CCDC137: variants seen among roughly 807,000 people sequenced by gnomAD.
CCDC137 encodes the protein coiled-coil domain-containing protein 137.
Under a neutral mutation model 30.4 loss-of-function variants are expected in CCDC137, and 24 were observed. The ratio of observed to expected loss-of-function variants is 0.79; its 90% CI spans 0.57 to 1.11. The LOEUF (loss-of-function observed/expected upper bound fraction) is 1.11. CCDC137 is among the 50% of genes least tolerant of loss of function. The probability of loss-of-function intolerance (pLI) is 0.00; values close to 1 mark genes in which losing one functional copy is unlikely to be tolerated. For missense variants in CCDC137, 417 were observed against 380.4 expected, an observed-to-expected ratio of 1.10 and a Z score of -0.80; for synonymous variants, 182 against 155.7, an observed-to-expected ratio of 1.17 and a Z score of -1.26.
At chr17:81,667,256 T>C (rs995040626) in intron 1 of CCDC137, among the ~76,000 whole-genome samples, 1 of 151,218 alleles carries the variant, frequency 6.6e-6, no homozygotes, top group African/African-American at 2.4e-5. Context: ...AGATCCCTGC[T>C]CCCTGGACTG....
chr17:81,667,858 A>G lies in CCDC137; in HGVS notation c.264A>G (p.Lys88=), dbSNP rs2036662371. 6.2e-7 allele frequency: 1 copy of G among 1,611,372 alleles called. No homozygotes were observed. The highest frequency in any genetic ancestry group is 1.3e-5 in the African/African-American group (1 of 74,860). The part of the protein sequence containing the change: ...KNPISNKKRK[K]AAQVTFRKTL... ...CGATCAGTAACAAGAAGAGGAAGAA[A>G]GCAGGTGTGTGCAGGCCCATACTGG... The change falls in exon 2 of 6, where the codon AAA becomes AAG. Residue 88 remains lysine (K), a synonymous_variant. Transcript: ENST00000329214.
chr17:81,672,623 A>T lies in CCDC137; in HGVS notation c.789A>T (p.Arg263Ser), dbSNP rs777883914. ...EERERAVQAY[R>S]ALKQRQQQLH... ...GAGAGCGGGCCGTGCAGGCCTACAG[A>T]GCGTTGAAGCAGCGGCAGCAGCAGC... Residue 263 changes from arginine (R) to serine (S), a missense_variant, in exon 6 of 6, where the codon AGA becomes AGT. Transcript: ENST00000329214. 1.3e-6 allele frequency: 2 copies of T among 1,599,000 alleles called. No homozygotes were observed.
Position 81,672,557 on chromosome 17 carries a change from G to C in CCDC137, c.723G>C (p.Leu241=), listed in dbSNP as rs779028277. The C allele has an allele frequency of 1.3e-6, 2 of 1,572,764 alleles. No homozygotes were observed. The highest frequency in any genetic ancestry group is 1.9e-5 in the Admixed American group (1 of 53,590). ...LLSPGGVSQP[L]TASLARQRIV... is the part of the protein sequence containing the mutation. ...GCCCCGGTGGTGTGTCCCAGCCTCT[G>C]ACCGCCTCCCTGGCCCGCCAGCGGA... is the stretch of plus-strand genomic sequence containing the variant. Residue 241 remains leucine, a synonymous_variant, in exon 6 of 6, where the codon CTG becomes CTC. Transcript: ENST00000329214.
rs2036677537 is a variant in CCDC137 at position 81,668,449 on chromosome 17, T to G, written c.268+587T>G. On this transcript the variant is annotated intron_variant, in intron 2 of 5. Transcript: ENST00000329214. ...CCCAGAGGTAACACTCTGGGCATGT[T>G]GGGAAACGGAGTCCACTGTGTGTAT... is the stretch of plus-strand genomic sequence containing the variant. Among the ~76,000 whole-genome samples, 4 of 152,290 alleles carry G rather than the reference T, an allele frequency of 2.6e-5. No homozygotes were observed. The South Asian group carries it at 8.3e-4, about 32-fold the overall frequency.
rs1396364486 is a variant in CCDC137, at chr17:81,673,488, G to GA, written c.*789dup. On this transcript the variant is annotated 3_prime_UTR_variant, in exon 6 of 6. Coordinates refer to ENST00000329214, the MANE Select transcript of CCDC137 (RefSeq NM_199287.3). ...CCAAAGTGGCTGGAAGAAGGTAAAG[G>GA]AAAAATCCTGTCTTGGGCTCAAGGT... The GA allele has an allele frequency of 2.0e-5, 3 of 152,418 alleles. No homozygotes were observed. The East Asian group carries it at 5.8e-4, about 29-fold the overall frequency. 9.4% of individuals were successfully genotyped at this position (152,418 alleles called of 1,614,324 possible). A position where few individuals can be genotyped will look rare whatever the true frequency, so the allele number is the denominator to read the frequency against.
At chr17:81,671,879 G>A (rs915399462) in intron 4 of CCDC137, 53 bp downstream of exon 4, 72 of 1,586,164 alleles carry the variant, frequency 4.5e-5, no homozygotes, top group South Asian at 5.5e-5. Context: ...GGGCCTGGGC[G>A]CAGGCCTTCT....
rs373340939 is a variant in CCDC137 at position 81,672,647 on chromosome 17, G to T, written c.813G>T (p.Gln271His). 5.6e-6 allele frequency: 9 copies of T among 1,601,090 alleles called. No individual in the cohort carries two copies. Among genetic ancestry groups the T allele is most frequent in the African/African-American group, 1.3e-5 (1 of 74,754 alleles). The stretch of plus-strand genomic sequence containing the variant: ...GAGCGTTGAAGCAGCGGCAGCAGCA[G>T]CTGCACGGGGAGCGACCCCACCTCA... ...AYRALKQRQQ[Q>H]LHGERPHLTS... Residue 271 changes from glutamine to histidine, a missense_variant, in exon 6 of 6, where the codon CAG (glutamine) becomes CAT (histidine). Transcript: ENST00000329214.
intron 2 of CCDC137, among the ~76,000 whole-genome samples, chr17:81,668,634 A>C (rs1335314462): frequency 6.6e-6 from 1 of 152,216 alleles, no homozygotes; most frequent in Non-Finnish European, 1.5e-5. Flanking sequence ...GAGGAGGCGC[A>C]CTGGCCTGGG....
intron 1 of CCDC137, 43 bp from the exon 2 acceptor site, chr17:81,667,686 G>T: frequency 6.2e-7 from 1 of 1,607,404 alleles, no homozygotes; most frequent in Non-Finnish European, 8.5e-7. Flanking sequence ...TTCTGCTTGT[G>T]CTTTACTTGG....
Position 81,670,305 on chromosome 17 carries a change from A to C in CCDC137, c.349A>C (p.Arg117=). The C allele has an allele frequency of 1.9e-6, 3 of 1,614,044 alleles. No individual in the cohort carries two copies. The highest frequency in any genetic ancestry group is 1.7e-6 in the Non-Finnish European group (2 of 1,180,020). The change falls in exon 3 of 6, where the codon AGG becomes CGG. Residue 117 remains arginine (R), a synonymous_variant. Transcript: ENST00000329214. ...PDIAVPKFKQ[R]KGESDGAYIH... ...CATCGCAGTCCCCAAGTTCAAACAG[A>C]GGAAGGGGGAGTCTGACGGGGCCTA... is the stretch of plus-strand genomic sequence containing the variant.
At chr17:81,667,254 G>A (rs1215861692) in intron 1 of CCDC137, among the ~76,000 whole-genome samples, 2 of 152,010 alleles carry the variant, frequency 1.3e-5, no homozygotes, top group African/African-American at 4.8e-5. Flanking sequence ...AAAGATCCCT[G>A]CTCCCTGGAC....
At position 81,672,753 on chromosome 17, in the gene CCDC137, G is replaced by C. The variant is rs749604295; in HGVS notation, c.*49G>C. ...CACGCTCTGGGGCAACTGGCACCAG[G>C]AGCTGCTACACCTGGGTAGGAGAGA... On this transcript the variant is annotated 3_prime_UTR_variant, in exon 6 of 6. Transcript: ENST00000329214. 3 of 1,478,194 alleles carry C rather than the reference G, an allele frequency of 2.0e-6. No homozygotes were observed. In the Admixed American group the frequency reaches 6.4e-5, roughly 31 times the overall value. The allele number at this position is 1,478,194 out of a possible 1,614,324, so 91.6% of individuals were successfully genotyped here.
intron 2 of CCDC137, 22 bp from the exon 3 acceptor site, chr17:81,670,203 T>G: frequency 6.3e-7 from 1 of 1,597,628 alleles, no homozygotes; most frequent in Non-Finnish European, 8.6e-7. Flanking sequence ...CTGCCTCCTC[T>G]GAGGCCTCCC....
chr17:81,666,984 C>A, intron 1 of CCDC137, 84 bp downstream of exon 1: 1 of 1,223,250 alleles, frequency 8.2e-7, no homozygotes, highest in Non-Finnish European at 1.0e-6. Flanking sequence ...CCCTAGGGAG[C>A]GTTCGCTCGG....
intron 2 of CCDC137, 180 bp from the exon 3 acceptor site, chr17:81,670,045 G>A (rs551117017): frequency 6.2e-5 from 37 of 599,622 alleles, no homozygotes; most frequent in African/African-American, 5.8e-4. Context: ...TTGGGCTGGG[G>A]GGTCACGTCC....
At chr17:81,668,939 A>T (rs188230320) in intron 2 of CCDC137, among the ~76,000 whole-genome samples, 2 of 149,368 alleles carry the variant, frequency 1.3e-5, no homozygotes, top group African/African-American at 4.9e-5. Flanking sequence ...GTGCAGTGGC[A>T]CAATCTCAGC....
In CCDC137 at chr17:81,673,083, G is replaced by A. The variant is rs538081797; in HGVS notation, c.*379G>A. 9 of 292,500 alleles carry A rather than the reference G, an allele frequency of 3.1e-5. No homozygotes were observed. Among genetic ancestry groups the A allele is most frequent in the Admixed American group, 4.9e-5 (1 of 20,534 alleles). 18.1% of individuals were successfully genotyped at this position (292,500 alleles called of 1,614,324 possible). ...GAGGCCCCCGGGAGTCAGCAGAGCC[G>A]AGCGTACAGTGCACATCAGGCAGAG... On this transcript the variant is annotated 3_prime_UTR_variant, in exon 6 of 6. Coordinates refer to ENST00000329214, the MANE Select transcript of CCDC137 (RefSeq NM_199287.3).
At chr17:81,669,527 CT>C (rs1837515882) in intron 2 of CCDC137, among the ~76,000 whole-genome samples, 2 of 152,180 alleles carry the variant, frequency 1.3e-5, no homozygotes, top group Admixed American at 1.3e-4. Context: ...GCCCGGGGTC[CT>C]GCGCTTGCGT....
Position 81,670,468 on chromosome 17 carries a change from G to A in CCDC137, c.497+15G>A. On this transcript the variant is annotated intron_variant, in intron 3 of 5. Coordinates refer to ENST00000329214, the MANE Select transcript of CCDC137 (RefSeq NM_199287.3). ...GCAAAAAAAGCGTGAGTGGAGGCGG[G>A]AGGGGGAGGGGTCTGCCCTGGGAGC... 6.2e-7 allele frequency: 1 copy of A among 1,603,120 alleles called. No individual in the cohort carries two copies. Among genetic ancestry groups the A allele is most frequent in the Non-Finnish European group, 8.5e-7 (1 of 1,173,626 alleles).
Sources: gnomAD v4.1 joint callset for allele counts (sites outside exome capture counted in the v4.1 genomes callset) on GRCh38, gnomAD v4.1.1 for gene constraint, MANE v1.5 for transcripts, NCBI Gene and HGNC (gene_info 2026-07-23, HGNC 2026-07-21) for gene names.